The following ZNF385B variants were observed in gnomAD, a reference collection of about 807,000 sequenced individuals.
The protein encoded by ZNF385B is zinc finger protein 385B.
In ZNF385B, 23 loss-of-function variants were observed where a neutral mutation model predicts 39.2. The ratio of observed to expected loss-of-function variants is 0.59; its 90% CI spans 0.42 to 0.83. ZNF385B has a LOEUF of 0.83. Ranked by LOEUF, ZNF385B falls within the 40% of genes least tolerant of loss-of-function variation. The pLI is 0.00. For synonymous variants in ZNF385B, 205 were observed against 222.6 expected (o/e 0.92, Z 0.70); for missense variants, 552 against 598.9 (o/e 0.92, Z 0.82).
chr2:179,840,385 C>A (rs1016428002), intron 1 of ZNF385B, among the ~76,000 whole-genome samples: 1 of 152,092 alleles, frequency 6.6e-6, no homozygotes, highest in Non-Finnish European at 1.5e-5. Context: ...ATTGTCTGTG[C>A]AAAATTGAAC....
chr2:179,799,932 A>G (rs1056760970), intron 1 of ZNF385B, among the ~76,000 whole-genome samples: 1 of 152,114 alleles, frequency 6.6e-6, no homozygotes, highest in Non-Finnish European at 1.5e-5. Flanking sequence ...TCAGTTATAA[A>G]TATCTGTCTT....
intron 3 of ZNF385B, among the ~76,000 whole-genome samples, chr2:179,558,492 G>C (rs2061103685): frequency 6.6e-6 from 1 of 152,146 alleles, no homozygotes. Flanking sequence ...TGCTCTGCTA[G>C]TGCTTTCTAC....
At chr2:179,832,714 T>A (rs1306374965) in intron 1 of ZNF385B, among the ~76,000 whole-genome samples, 1 of 152,184 alleles carries the variant, frequency 6.6e-6, no homozygotes. Context: ...AGTATACATT[T>A]TATAATAATC....
chr2:179,505,279 A>C (rs991592911), intron 5 of ZNF385B, among the ~76,000 whole-genome samples: 2 of 152,098 alleles, frequency 1.3e-5, no homozygotes, highest in African/African-American at 2.4e-5. Flanking sequence ...TTAATTTAAA[A>C]GTGTAATAAA....
chr2:179,630,290 G>T (rs3106700), intron 3 of ZNF385B, among the ~76,000 whole-genome samples: 1 of 152,052 alleles, frequency 6.6e-6, no homozygotes, highest in Non-Finnish European at 1.5e-5. Context: ...CACATAGGTG[G>T]CTGCCACTCT....
At chr2:179,814,241 G>C (rs1281797967) in intron 1 of ZNF385B, 2 of 203,280 alleles carry the variant, frequency 9.8e-6, no homozygotes, top group Non-Finnish European at 2.0e-5. Context: ...TGGCAAGTAT[G>C]TGGGCCATCA....
intron 1 of ZNF385B, among the ~76,000 whole-genome samples, chr2:179,808,327 C>T (rs1013908282): frequency 2.6e-5 from 4 of 152,082 alleles, no homozygotes; most frequent in African/African-American, 9.7e-5. Flanking sequence ...CCACCGCACC[C>T]GGCCTATAAT....
intron 3 of ZNF385B, among the ~76,000 whole-genome samples, chr2:179,733,642 G>T (rs1209653578): frequency 2.0e-5 from 3 of 152,092 alleles, no homozygotes; most frequent in South Asian, 2.1e-4. Flanking sequence ...AATTAGCCGG[G>T]CGCGGTGGCG....
chr2:179,514,708 T>A (rs1207005548), intron 5 of ZNF385B, among the ~76,000 whole-genome samples: 2 of 151,338 alleles, frequency 1.3e-5, no homozygotes, highest in African/African-American at 4.9e-5. Flanking sequence ...AAAATTAAAG[T>A]GATTACAAAT....
chr2:179,843,226 T>C lies in ZNF385B; in HGVS notation c.-155+17875A>G, dbSNP rs34171393. On this transcript the variant is annotated intron_variant, in intron 1 of 9. Transcript: ENST00000410066. ...CTAGTATGGACAATTTCTCTTTCCT[T>C]TCTGCAACACAACTCTCCCCTGAGG... Among the ~76,000 whole-genome samples, 1,227 of 152,296 alleles carry C rather than the reference T, an allele frequency of 8.1e-3. 12 individuals carry two copies. The highest frequency in any genetic ancestry group is 0.012 in the Non-Finnish European group (819 of 68,026).
intron 3 of ZNF385B, among the ~76,000 whole-genome samples, chr2:179,735,791 C>T (rs920922128): frequency 6.7e-6 from 1 of 149,510 alleles, no homozygotes; most frequent in Non-Finnish European, 1.5e-5. Context: ...AACTAAAAAC[C>T]AAACACCGCA....
At chr2:179,773,786 T>C (rs1267789345) in intron 1 of ZNF385B, among the ~76,000 whole-genome samples, 1 of 152,186 alleles carries the variant, frequency 6.6e-6, no homozygotes, top group Non-Finnish European at 1.5e-5. Flanking sequence ...TACAATAAAC[T>C]ACAATAAATT....
At chr2:179,836,193 A>T (rs1203872555) in intron 1 of ZNF385B, among the ~76,000 whole-genome samples, 1 of 152,214 alleles carries the variant, frequency 6.6e-6, no homozygotes, top group African/African-American at 2.4e-5. Context: ...CACATTACAC[A>T]GTGAGAAATT....
intron 1 of ZNF385B, among the ~76,000 whole-genome samples, chr2:179,856,680 G>A (rs112864159): frequency 1.5e-4 from 22 of 148,386 alleles, no homozygotes; most frequent in Non-Finnish European, 3.3e-4. Context: ...GCCACAATCC[G>A]CAATCTGCAA....
intron 3 of ZNF385B, among the ~76,000 whole-genome samples, chr2:179,663,693 G>T (rs1336423362): frequency 8.2e-6 from 1 of 121,600 alleles, no homozygotes; most frequent in Non-Finnish European, 1.6e-5. Context: ...CAGCCTGGGC[G>T]ACAGAGCGAG....
At chr2:179,566,420 G>A (rs1313662172) in intron 3 of ZNF385B, among the ~76,000 whole-genome samples, 1 of 152,160 alleles carries the variant, frequency 6.6e-6, no homozygotes, top group African/African-American at 2.4e-5. Flanking sequence ...GGAGTCAATA[G>A]CCTATGAGTG....
In ZNF385B at chr2:179,445,537, C is replaced by G; in HGVS notation, c.1140+13G>C. On this transcript the variant is annotated intron_variant, in intron 8 of 9. Coordinates refer to ENST00000410066, the MANE Select transcript of ZNF385B (RefSeq NM_152520.6). ...CCTAAAACAATAATGTTTACTAATT[C>G]AGGATACGTTACCTGTTTGAGTTGA... The G allele has an allele frequency of 6.2e-7, 1 of 1,603,126 alleles. No individual in the cohort carries two copies. The highest frequency in any genetic ancestry group is 8.5e-7 in the Non-Finnish European group (1 of 1,175,104).
chr2:179,779,114 G>C (rs1363335981), intron 1 of ZNF385B, among the ~76,000 whole-genome samples: 1 of 151,950 alleles, frequency 6.6e-6, no homozygotes. Context: ...TTTTTCCTCT[G>C]GTATAGATCA....
intron 3 of ZNF385B, chr2:179,562,481 A>C: frequency 1.0e-6 from 1 of 985,366 alleles, no homozygotes; most frequent in Non-Finnish European, 1.2e-6. Flanking sequence ...AAATAATTCC[A>C]TCATCTCAAC....
Sources: allele counts gnomAD v4.1 joint callset (sites outside exome capture counted in the v4.1 genomes callset), GRCh38; gene constraint gnomAD v4.1.1; transcripts MANE v1.5; gene names NCBI Gene and HGNC (gene_info 2026-07-23, HGNC 2026-07-21).